The following PDE9A variants were observed in gnomAD, a reference collection of about 807,000 sequenced individuals.
PDE9A encodes the protein phosphodiesterase 9A, also known as high affinity cGMP-specific 3',5'-cyclic phosphodiesterase 9A.
A neutral mutation model predicts 87.4 loss-of-function variants in PDE9A; 60 were observed. The observed-to-expected ratio is 0.69, with a 90% CI of 0.56 to 0.85. The LOEUF is 0.85. Among genes scored for constraint, PDE9A ranks in the 40% least tolerant of loss-of-function variants. PDE9A has a pLI of 0.00. For synonymous variants in PDE9A, 272 were observed against 279.4 expected (o/e 0.97, Z 0.27); for missense variants, 665 against 779.0 (o/e 0.85, Z 1.74).
chr21:42,744,230 G>A (rs1435298219), intron 8 of PDE9A, among the ~76,000 whole-genome samples: 1 of 152,142 alleles, frequency 6.6e-6, no homozygotes, highest in Non-Finnish European at 1.5e-5. Context: ...GCACATGCCT[G>A]TAACCCCAGC....
rs867547331 is a variant in PDE9A at position 42,744,334 on chromosome 21, G to A, written c.653+474G>A. On this transcript the variant is annotated intron_variant, in intron 8 of 19. Coordinates refer to ENST00000291539, the MANE Select transcript of PDE9A (RefSeq NM_002606.3). ...CGCCACTGCACTCCAGCCTGGGCTC[G>A]ACAGAGCAAGACTCTGTCTCAAGAA... 3.3e-5 allele frequency among the ~76,000 whole-genome samples: 5 copies of A among 152,006 alleles called. No homozygotes were observed. In the East Asian group the frequency reaches 7.7e-4, roughly 24 times the overall value.
rs1380287355 is a variant in PDE9A, at chr21:42,692,986, C to T, written c.218+4992C>T. ...CACCACATGTCCAGGAGGGAGCCGG[C>T]ATCCTTTGCTGACTTTCTTGCTGTG... On this transcript the variant is annotated intron_variant, in intron 3 of 19. Coordinates refer to ENST00000291539, the MANE Select transcript of PDE9A (RefSeq NM_002606.3). The surrounding 1 kb of genome is among the most constrained non-coding windows in gnomAD (Gnocchi z 4.3). 6.6e-6 allele frequency among the ~76,000 whole-genome samples: 1 copy of T among 152,214 alleles called. No individual in the cohort carries two copies. Among genetic ancestry groups the T allele is most frequent in the Non-Finnish European group, 1.5e-5 (1 of 68,044 alleles).
At chr21:42,764,405 G>A (rs1054784365) in intron 14 of PDE9A, among the ~76,000 whole-genome samples, 2 of 152,248 alleles carry the variant, frequency 1.3e-5, no homozygotes, top group Non-Finnish European at 2.9e-5. Flanking sequence ...TCTGCAGTAG[G>A]TCAAGGAGCA....
intron 4 of PDE9A, among the ~76,000 whole-genome samples, chr21:42,715,485 G>A (rs1299785520): frequency 3.1e-4 from 47 of 151,856 alleles, no homozygotes; most frequent in Non-Finnish European, 6.5e-4. Flanking sequence ...AAATTAGCCA[G>A]GCGTCATGGC....
chr21:42,668,918 C>A (rs1381204882), intron 1 of PDE9A, among the ~76,000 whole-genome samples: 1 of 148,318 alleles, frequency 6.7e-6, no homozygotes, highest in Non-Finnish European at 1.5e-5. Context: ...ACGTCCCACG[C>A]GGGCCACATC....
chr21:42,769,273 ACACG>A, intron 17 of PDE9A, 118 bp downstream of exon 17: 1 of 923,964 alleles, frequency 1.1e-6, no homozygotes, highest in Admixed American at 2.1e-5. Flanking sequence ...ACTCATGCAC[ACACG>A]TACACAGATA....
chr21:42,718,239 C>A (rs1347440277), intron 4 of PDE9A, among the ~76,000 whole-genome samples: 1 of 151,764 alleles, frequency 6.6e-6, no homozygotes, highest in African/African-American at 2.4e-5. Context: ...TTTCCTTTAT[C>A]TTTAGGTTTC....
chr21:42,709,176 A>G (rs768572542), intron 4 of PDE9A, among the ~76,000 whole-genome samples: 3 of 152,226 alleles, frequency 2.0e-5, no homozygotes, highest in Non-Finnish European at 2.9e-5. Flanking sequence ...GCTGGAAGCC[A>G]TTATCCTCAG....
chr21:42,689,557 C>T (rs1320115146), intron 3 of PDE9A: 3 of 985,360 alleles, frequency 3.0e-6, no homozygotes, highest in African/African-American at 1.7e-5. Flanking sequence ...TTGTCCATGC[C>T]AGCTGGGTAT....
intron 4 of PDE9A, among the ~76,000 whole-genome samples, chr21:42,709,679 G>GTT (rs2049134870): frequency 2.0e-5 from 3 of 152,046 alleles, no homozygotes; most frequent in Non-Finnish European, 2.9e-5. Flanking sequence ...TTGTTTGTTT[G>GTT]TGTGTGTGTG....
At chr21:42,667,479 C>T (rs151099602) in intron 1 of PDE9A, among the ~76,000 whole-genome samples, 2 of 152,156 alleles carry the variant, frequency 1.3e-5, no homozygotes, top group East Asian at 3.9e-4. Context: ...ACCCCTCCCT[C>T]CCAGTTGCCT....
At chr21:42,754,197 AC>A (rs1228889004) in intron 10 of PDE9A, 133 bp downstream of exon 10, 18 of 609,530 alleles carry the variant, frequency 3.0e-5, no homozygotes, top group African/African-American at 1.5e-4. Flanking sequence ...AAAAAAAAAA[AC>A]AAAACTTGTT....
At chr21:42,726,842 C>A (rs2051169545) in intron 4 of PDE9A, among the ~76,000 whole-genome samples, 1 of 150,308 alleles carries the variant, frequency 6.7e-6, no homozygotes, top group African/African-American at 2.4e-5. Flanking sequence ...ACATCTGGGT[C>A]AAAAATCAGT....
At position 42,760,764 on chromosome 21, in the gene PDE9A, T is replaced by G; in HGVS notation, c.1003-61T>G. 19 of 729,280 alleles carry G rather than the reference T, an allele frequency of 2.6e-5. No homozygotes were observed. The highest frequency in any genetic ancestry group is 4.2e-5 in the Non-Finnish European group (18 of 429,662). 45.2% of individuals were successfully genotyped at this position (729,280 alleles called of 1,614,324 possible). On this transcript the variant is annotated intron_variant, in intron 12 of 19. Coordinates refer to ENST00000291539, the MANE Select transcript of PDE9A (RefSeq NM_002606.3). This position sits in a 1 kb window ranked among gnomAD's most constrained non-coding sequence, Gnocchi z 5.2. Reference sequence around the variant, plus strand: ...ACCACTCACCCAATTCCACCCCCCCTCACCCCATCCCACCCTCCGAGTGAA... The same window carrying G: ...ACCACTCACCCAATTCCACCCCCCCGCACCCCATCCCACCCTCCGAGTGAA...
intron 1 of PDE9A, among the ~76,000 whole-genome samples, chr21:42,664,084 G>A (rs755390723): frequency 6.6e-5 from 10 of 152,218 alleles, no homozygotes; most frequent in Non-Finnish European, 1.0e-4. Flanking sequence ...GGGGCTTCTC[G>A]AGGCATCTCC....
chr21:42,686,155 G>T (rs762839499), intron 1 of PDE9A, 37 bp from the exon 2 acceptor site: 17 of 1,556,636 alleles, frequency 1.1e-5, no homozygotes, highest in Non-Finnish European at 1.4e-5. Context: ...GAGACCCGCC[G>T]CCCTCGCTGC....
intron 4 of PDE9A, among the ~76,000 whole-genome samples, chr21:42,712,655 G>A (rs2049458357): frequency 6.6e-6 from 1 of 152,152 alleles, no homozygotes; most frequent in South Asian, 2.1e-4. Flanking sequence ...AGATTTTTTT[G>A]TGGATGCCTT....
intron 2 of PDE9A, 149 bp downstream of exon 2, chr21:42,686,411 C>A: frequency 1.6e-6 from 1 of 637,368 alleles, no homozygotes; most frequent in South Asian, 1.8e-5. Context: ...TGCGCAGAAT[C>A]CCGAGGGAGG....
chr21:42,685,327 C>G (rs1016669345), intron 1 of PDE9A, among the ~76,000 whole-genome samples: 1 of 152,264 alleles, frequency 6.6e-6, no homozygotes. Flanking sequence ...GGCCATCCCG[C>G]GCGTAGGTGG....
Sources: gnomAD v4.1 joint callset for allele counts (sites outside exome capture counted in the v4.1 genomes callset) on GRCh38, gnomAD v4.1.1 for gene constraint, Gnocchi (gnomAD v3.1) non-coding constraint, MANE v1.5 for transcripts, NCBI Gene and HGNC (gene_info 2026-07-23, HGNC 2026-07-21) for gene names.